CHAT: variants seen among roughly 807,000 people sequenced by gnomAD.
The protein encoded by CHAT is acetyl CoA:choline O-acetyltransferase.
CHAT carries 61 observed loss-of-function variants against 76.9 expected under a neutral mutation model. The ratio of observed to expected loss-of-function variants is 0.79; its 90% CI spans 0.65 to 0.98. The LOEUF (loss-of-function observed/expected upper bound fraction) is 0.98. CHAT is among the 50% of genes least tolerant of loss of function. The probability of loss-of-function intolerance (pLI) is 0.00; values close to 1 mark genes in which losing one functional copy is unlikely to be tolerated. For synonymous variants in CHAT, 407 were observed against 397.4 expected (o/e 1.02, Z -0.29); for missense variants, 946 against 986.9 (o/e 0.96, Z 0.56).
chr10:49,638,161 G>A (rs1839357028), intron 7 of CHAT, among the ~76,000 whole-genome samples: 1 of 152,124 alleles, frequency 6.6e-6, no homozygotes, highest in Admixed American at 6.5e-5. Context: ...CTTCTTGGAG[G>A]ATTTATCCTT....
At chr10:49,653,414 G>C (rs970894347) in intron 11 of CHAT, among the ~76,000 whole-genome samples, 6 of 135,486 alleles carry the variant, frequency 4.4e-5, no homozygotes, top group African/African-American at 1.5e-4. Context: ...GAACGGTAAA[G>C]CTCTGCCCTC....
intron 7 of CHAT, among the ~76,000 whole-genome samples, chr10:49,634,016 C>CAATT (rs1332183523): frequency 1.3e-5 from 2 of 152,204 alleles, no homozygotes; most frequent in East Asian, 3.9e-4. Flanking sequence ...ATTTTAAAAC[C>CAATT]AATTACACAT....
upstream of CHAT, chr10:49,611,433 C>CG: frequency 6.3e-7 from 1 of 1,597,778 alleles, no homozygotes; most frequent in Non-Finnish European, 8.5e-7. Context: ...CCCCGCCCTT[C>CG]GGGGGCATCC....
chr10:49,626,740 A>G (rs1344939657), intron 6 of CHAT, among the ~76,000 whole-genome samples: 2 of 152,214 alleles, frequency 1.3e-5, no homozygotes, highest in Non-Finnish European at 1.5e-5. Flanking sequence ...GTTGGAGGGG[A>G]AGGGAAAACA....
intron 6 of CHAT, among the ~76,000 whole-genome samples, chr10:49,627,014 C>T (rs1041563590): frequency 2.0e-5 from 3 of 152,232 alleles, no homozygotes; most frequent in Non-Finnish European, 2.9e-5. Context: ...CTCCACTCAC[C>T]AGTGTGTTTA....
chr10:49,649,779 T>G, intron 10 of CHAT, 143 bp downstream of exon 10: 1 of 812,258 alleles, frequency 1.2e-6, no homozygotes, highest in South Asian at 1.5e-5. Context: ...CCATCCCTCA[T>G]GTAGTCAAAT....
At chr10:49,611,386 G>A (rs140414320), upstream of CHAT, 3 of 1,599,090 alleles carry the variant, frequency 1.9e-6, no homozygotes, top group South Asian at 1.1e-5. Context: ...TGCACTGGGC[G>A]TGGCGCTGGC....
At chr10:49,651,818 G>A in intron 10 of CHAT, 66 bp from the exon 11 acceptor site, 1 of 1,539,968 alleles carries the variant, frequency 6.5e-7, no homozygotes, top group Non-Finnish European at 8.8e-7. Flanking sequence ...AGAAGCCCGG[G>A]GAAACCCCAG....
At chr10:49,658,179 C>T (rs994294841) in intron 13 of CHAT, among the ~76,000 whole-genome samples, 6 of 152,008 alleles carry the variant, frequency 3.9e-5, no homozygotes, top group South Asian at 2.1e-4. Flanking sequence ...GTCAGGAGAT[C>T]GAGACCAGCC....
Position 49,614,238 on chromosome 10 carries a change from T to C in CHAT, c.49T>C (p.Trp17Arg). Residue 17 changes from tryptophan to arginine, a missense_variant, in exon 1 of 15, where the codon TGG becomes CGG. By Grantham distance (101) the Trp-to-Arg change is moderately radical (BLOSUM62 -3). Transcript: ENST00000337653. The part of the protein sequence containing the change: ...KKRGLGGGGK[W>R]KREEGGGTRG... ...GAGGGGGCTTGGGGGAGGGGGGAAA[T>C]GGAAGAGAGAGGAGGGAGGAGGTAC... 2.0e-6 allele frequency: 3 copies of C among 1,536,548 alleles called. 1 individual carries two copies. In the South Asian group the frequency reaches 3.6e-5, roughly 18 times the overall value.
chr10:49,634,022 C>T (rs79832708), intron 7 of CHAT, among the ~76,000 whole-genome samples: 1 of 152,220 alleles, frequency 6.6e-6, no homozygotes, highest in Non-Finnish European at 1.5e-5. Context: ...AAACCAATTA[C>T]ACATTAGCAC....
At chr10:49,618,391 C>A (rs145077136) in intron 2 of CHAT, among the ~76,000 whole-genome samples, 1 of 152,120 alleles carries the variant, frequency 6.6e-6, no homozygotes, top group Non-Finnish European at 1.5e-5. Flanking sequence ...GGGTTTGCTA[C>A]CCCCATTTTA....
At chr10:49,609,275 G>A (rs190746084), upstream of CHAT, 1 of 152,206 alleles carries the variant, frequency 6.6e-6, no homozygotes, top group Non-Finnish European at 1.5e-5. Context: ...CACCCAAGAA[G>A]GGTTTCTTAC....
At chr10:49,634,299 A>T (rs1247811290) in intron 7 of CHAT, among the ~76,000 whole-genome samples, 2 of 152,206 alleles carry the variant, frequency 1.3e-5, no homozygotes, top group African/African-American at 4.8e-5. Flanking sequence ...GGCAGGACCA[A>T]GGGGATGGGC....
At chr10:49,617,048 A>G (rs1474911546) in intron 2 of CHAT, among the ~76,000 whole-genome samples, 1 of 152,026 alleles carries the variant, frequency 6.6e-6, no homozygotes, top group Non-Finnish European at 1.5e-5. Context: ...AGACAATGCC[A>G]TCCTCCCTGG....
Position 49,619,675 on chromosome 10 carries a change from C to T in CHAT, c.388-50C>T, listed in dbSNP as rs4838537. ...TACTAGGGACCAACTTGGGGACAGG[C>T]ATGGGGCGCACATACTAGAGGCACA... is the stretch of plus-strand genomic sequence containing the variant. On this transcript the variant is annotated intron_variant, in intron 2 of 14. Coordinates refer to ENST00000337653, the MANE Select transcript of CHAT (RefSeq NM_020549.5). 0.052 allele frequency: 80,862 copies of T among 1,569,936 alleles called. 5,683 individuals are homozygous for T. Among genetic ancestry groups the T allele is most frequent in the Admixed American group, 0.31 (18,513 of 59,206 alleles).
At position 49,619,794 on chromosome 10, in the gene CHAT, T is replaced by C. The variant is rs1245302941; in HGVS notation, c.457T>C (p.Leu153=). The C allele has an allele frequency of 6.2e-7, 1 of 1,614,112 alleles. No homozygotes were observed. Among genetic ancestry groups the C allele is most frequent in the African/African-American group, 1.3e-5 (1 of 75,048 alleles). The change falls in exon 3 of 15, where the codon TTG becomes CTG. Residue 153 remains leucine, a synonymous_variant. Coordinates refer to ENST00000337653, the MANE Select transcript of CHAT (RefSeq NM_020549.5). The stretch of plus-strand genomic sequence containing the variant: ...CACGTACCTGCAGTGCATGCGACAC[T>C]TGGTGTCTGAGGAGCAGTTCAGGAA... ...LATYLQCMRH[L]VSEEQFRKSQ...
intron 4 of CHAT, among the ~76,000 whole-genome samples, chr10:49,621,118 C>A (rs529904054): frequency 5.4e-4 from 82 of 152,366 alleles, no homozygotes; most frequent in African/African-American, 1.9e-3. Context: ...GGGCCTCTGG[C>A]CGCTAATGAC....
At chr10:49,626,150 A>T (rs1261734593) in intron 6 of CHAT, among the ~76,000 whole-genome samples, 3 of 152,282 alleles carry the variant, frequency 2.0e-5, no homozygotes, top group Non-Finnish European at 2.9e-5. Context: ...AGACAAGTTA[A>T]GTGGTCTGTC....
Sources: gnomAD v4.1 joint callset for allele counts (sites outside exome capture counted in the v4.1 genomes callset) on GRCh38, gnomAD v4.1.1 for gene constraint, MANE v1.5 for transcripts, NCBI Gene and HGNC (gene_info 2026-07-23, HGNC 2026-07-21) for gene names.